PKHD1: variants seen among roughly 807,000 people sequenced by gnomAD.
PKHD1 encodes PKHD1 ciliary IPT domain containing fibrocystin/polyductin, also known as fibrocystin.
A neutral mutation model predicts 412.0 loss-of-function variants in PKHD1; 291 were observed. The ratio of observed to expected loss-of-function variants is 0.71; its 90% CI spans 0.64 to 0.78. The LOEUF (loss-of-function observed/expected upper bound fraction) is 0.78, where lower values mean the gene tolerates loss of function less well. Ranked by LOEUF, PKHD1 falls within the 30% of genes least tolerant of loss-of-function variation. PKHD1 has a pLI of 0.00. For missense variants in PKHD1, 4,825 were observed against 4,950.7 expected, an observed-to-expected ratio of 0.97 and a Z score of 0.76; for synonymous variants, 1,777 against 1,821.5, an observed-to-expected ratio of 0.98 and a Z score of 0.62.
intron 60 of PKHD1, among the ~76,000 whole-genome samples, chr6:51,722,363 C>A (rs925517541): frequency 2.0e-5 from 3 of 152,108 alleles, no homozygotes; most frequent in African/African-American, 4.8e-5. Flanking sequence ...TCTAAACTCC[C>A]CAGAAAGCTT....
At chr6:51,946,544 G>T (rs1388904427) in intron 36 of PKHD1, among the ~76,000 whole-genome samples, 1 of 152,146 alleles carries the variant, frequency 6.6e-6, no homozygotes, top group Admixed American at 6.5e-5. Context: ...AGTATGGGAG[G>T]GCTGTGGGAG....
intron 31 of PKHD1, among the ~76,000 whole-genome samples, chr6:52,027,566 G>GAGAAGA (rs1275603129): frequency 1.5e-5 from 2 of 137,202 alleles, no homozygotes; most frequent in Non-Finnish European, 3.2e-5. Context: ...GAAGAAGAAG[G>GAGAAGA]AGAAGAAGAA....
At chr6:51,640,723 G>A (rs978689212) in intron 63 of PKHD1, among the ~76,000 whole-genome samples, 1 of 152,098 alleles carries the variant, frequency 6.6e-6, no homozygotes, top group Non-Finnish European at 1.5e-5. Context: ...CTCACTCCTA[G>A]GTATGCATAC....
At chr6:51,894,102 T>C (rs1245245998) in intron 43 of PKHD1, among the ~76,000 whole-genome samples, 1 of 152,228 alleles carries the variant, frequency 6.6e-6, no homozygotes, top group Non-Finnish European at 1.5e-5. Flanking sequence ...TCTGGAAAGA[T>C]GCAGCCTCTT....
At chr6:51,954,688 T>C (rs1790852836) in intron 36 of PKHD1, among the ~76,000 whole-genome samples, 2 of 152,078 alleles carry the variant, frequency 1.3e-5, no homozygotes, top group African/African-American at 4.8e-5. Flanking sequence ...AATGCAGTAA[T>C]TACTATAGTC....
chr6:52,086,577 A>G (rs1010237725), intron 1 of PKHD1, among the ~76,000 whole-genome samples: 1 of 152,228 alleles, frequency 6.6e-6, no homozygotes, highest in Non-Finnish European at 1.5e-5. Context: ...CTGGAAATCT[A>G]TAATCATTTC....
intron 65 of PKHD1, among the ~76,000 whole-genome samples, chr6:51,628,391 C>T (rs1442637441): frequency 6.6e-6 from 1 of 152,182 alleles, no homozygotes; most frequent in Non-Finnish European, 1.5e-5. Flanking sequence ...ATCAATGTTG[C>T]TGCAAAGGAT....
chr6:51,616,964 A>C lies in PKHD1; in HGVS notation c.*2117T>G, dbSNP rs1349679845. 3.0e-6 allele frequency: 1 copy of C among 336,480 alleles called. No homozygotes were observed. Among genetic ancestry groups the C allele is most frequent in the African/African-American group, 2.1e-5 (1 of 47,206 alleles). The allele number at this position is 336,480 out of a possible 1,614,324, so 20.8% of individuals were successfully genotyped here. A position where few individuals can be genotyped will look rare whatever the true frequency, so the allele number is the denominator to read the frequency against. On this transcript the variant is annotated 3_prime_UTR_variant, in exon 67 of 67. Coordinates refer to ENST00000371117, the MANE Select transcript of PKHD1 (RefSeq NM_138694.4). Reference sequence around the variant, plus strand: ...CATTCATTGAGTTGGAAAAAAACACAAGGAGAAGTAGGTTTTTGGGCTGTG... The same window carrying C: ...CATTCATTGAGTTGGAAAAAAACACCAGGAGAAGTAGGTTTTTGGGCTGTG...
chr6:51,947,851 C>G (rs915927536), intron 36 of PKHD1, among the ~76,000 whole-genome samples: 1 of 152,158 alleles, frequency 6.6e-6, no homozygotes. Context: ...TACTCAACAT[C>G]TCTACTTGGA....
chr6:51,850,894 C>G (rs1772100469), intron 49 of PKHD1, among the ~76,000 whole-genome samples: 1 of 152,166 alleles, frequency 6.6e-6, no homozygotes, highest in South Asian at 2.1e-4. Context: ...TTATTTCTTT[C>G]TCTTGCCTGA....
At chr6:51,816,140 C>T (rs1765421822) in intron 52 of PKHD1, among the ~76,000 whole-genome samples, 1 of 151,950 alleles carries the variant, frequency 6.6e-6, no homozygotes, top group Non-Finnish European at 1.5e-5. Context: ...GCTAATTACA[C>T]ATATGTAGTG....
intron 64 of PKHD1, among the ~76,000 whole-genome samples, chr6:51,637,278 T>C (rs1768700981): frequency 6.6e-6 from 1 of 152,170 alleles, no homozygotes; most frequent in Non-Finnish European, 1.5e-5. Context: ...ATTCAAAAAC[T>C]CAAGCTTACA....
Position 52,046,094 on chromosome 6 carries a change from G to A in PKHD1, c.2502C>T (p.Phe834=), listed in dbSNP as rs1756254637. The A allele has an allele frequency of 8.7e-6, 14 of 1,613,336 alleles. No homozygotes were observed. Among genetic ancestry groups the A allele is most frequent in the Non-Finnish European group, 1.2e-5 (14 of 1,179,284 alleles). The change falls in exon 24 of 67, where the codon TTC becomes TTT. Residue 834 remains phenylalanine (F), a synonymous_variant. Coordinates refer to ENST00000371117, the MANE Select transcript of PKHD1 (RefSeq NM_138694.4). ...AAGTGTATAGATCCTCCTTCACAGT[G>A]AAGTCACTGGCATTGAGGTACCTGG... ...FTSRYLNASD[F]TVKEDLYTCY...
chr6:52,052,582 G>A (rs1262460179), intron 21 of PKHD1, among the ~76,000 whole-genome samples: 1 of 152,194 alleles, frequency 6.6e-6, no homozygotes, highest in Non-Finnish European at 1.5e-5. Flanking sequence ...AGACACTGCT[G>A]AGTTCCTTCC....
At chr6:52,026,615 T>C (rs1802236529) in intron 31 of PKHD1, among the ~76,000 whole-genome samples, 1 of 152,204 alleles carries the variant, frequency 6.6e-6, no homozygotes, top group African/African-American at 2.4e-5. Flanking sequence ...AAAAATCAAA[T>C]TCATTGAAGT....
In PKHD1 at chr6:51,911,276, C is replaced by T. The variant is rs1266872; in HGVS notation, c.6490+523G>A. Among the ~76,000 whole-genome samples, 500 of 152,244 alleles carry T rather than the reference C, an allele frequency of 3.3e-3. 1 individual carries two copies. The highest frequency in any genetic ancestry group is 0.012 in the African/African-American group (479 of 41,576). On this transcript the variant is annotated intron_variant, in intron 39 of 66. Transcript: ENST00000371117. ...ATCCCTGAAATAGATGCTTAATAGG[C>T]ACATCAATGTGATTCAGTGCCTGCT...
At chr6:51,626,866 A>G (rs1286166983) in intron 66 of PKHD1, 131 bp downstream of exon 66, 3 of 905,912 alleles carry the variant, frequency 3.3e-6, no homozygotes, top group Non-Finnish European at 5.5e-6. Flanking sequence ...AATTTCTTTG[A>G]AGGAAAGTAA....
intron 55 of PKHD1, among the ~76,000 whole-genome samples, chr6:51,770,561 GTACT>G (rs996758024): frequency 4.6e-4 from 69 of 151,166 alleles, no homozygotes; most frequent in African/African-American, 1.5e-3. Context: ...TGGCAAATTT[GTACT>G]TACTTTCTTA....
chr6:51,942,524 AGTCTCCC>A, intron 36 of PKHD1, among the ~76,000 whole-genome samples: 1 of 151,454 alleles, frequency 6.6e-6, no homozygotes, highest in Non-Finnish European at 1.5e-5. Context: ...CTTTTTGTTG[AGTCTCCC>A]GCAATTACCA....
Sources: allele counts gnomAD v4.1 joint callset (sites outside exome capture counted in the v4.1 genomes callset), GRCh38; gene constraint gnomAD v4.1.1; transcripts MANE v1.5; gene names NCBI Gene and HGNC (gene_info 2026-07-23, HGNC 2026-07-21).